The following PTPRF variants were observed in gnomAD, a reference collection of about 807,000 sequenced individuals.
PTPRF encodes protein tyrosine phosphatase receptor type F, also known as receptor-type tyrosine-protein phosphatase F.
PTPRF carries 59 observed loss-of-function variants against 201.8 expected under a neutral mutation model. That is an observed-to-expected ratio of 0.29 (90% CI 0.24 to 0.36). PTPRF has a LOEUF of 0.36. Among genes scored for constraint, PTPRF ranks in the 10% least tolerant of loss-of-function variants. The pLI, the probability that PTPRF is intolerant of heterozygous loss-of-function variation, is 1.00. For missense variants in PTPRF, 2,132 were observed against 2,690.5 expected, an observed-to-expected ratio of 0.79 and a Z score of 4.59; for synonymous variants, 1,088 against 1,089.7, an observed-to-expected ratio of 1.00 and a Z score of 0.03.
chr1:43,606,148 T>G (rs750459706), intron 19 of PTPRF, 92 bp from the exon 20 acceptor site: 7 of 1,397,616 alleles, frequency 5.0e-6, no homozygotes, highest in African/African-American at 1.4e-5. Flanking sequence ...AGCCTTGATC[T>G]CGGCCCAGGG....
intron 21 of PTPRF, among the ~76,000 whole-genome samples, chr1:43,607,497 A>G (rs1570604600): frequency 6.6e-6 from 1 of 151,828 alleles, no homozygotes; most frequent in East Asian, 1.9e-4. Context: ...TGTCTTTCCC[A>G]CTCAGTTCTC....
Position 43,575,770 on chromosome 1 carries a change from C to T in PTPRF, c.569-3040C>T, listed in dbSNP as rs192765939. On this transcript the variant is annotated intron_variant, in intron 6 of 33. Coordinates refer to ENST00000359947, the MANE Select transcript of PTPRF (RefSeq NM_002840.5). ...TTGCTCACACACTGTCCGTGTCGGC[C>T]TAACTCAGGCCTCAATTTCTCCATG... 1,801 of 680,784 alleles carry T rather than the reference C, an allele frequency of 2.6e-3. 7 individuals are homozygous for T. The highest frequency in any genetic ancestry group is 3.9e-3 in the Non-Finnish European group (1,686 of 437,616). 42.2% of individuals were successfully genotyped at this position (680,784 alleles called of 1,614,324 possible).
intron 1 of PTPRF, among the ~76,000 whole-genome samples, chr1:43,533,600 A>G (rs545879237): frequency 8.9e-4 from 136 of 152,126 alleles, no homozygotes; most frequent in Middle Eastern, 3.4e-3. Flanking sequence ...CTGAGTCTCA[A>G]TTTCACTCCC....
intron 7 of PTPRF, among the ~76,000 whole-genome samples, chr1:43,581,919 A>G (rs1385576379): frequency 6.6e-6 from 1 of 152,174 alleles, no homozygotes; most frequent in Non-Finnish European, 1.5e-5. Context: ...TGTGCATTGG[A>G]GGGTGTTTAG....
intron 11 of PTPRF, among the ~76,000 whole-genome samples, chr1:43,593,451 G>A (rs1024024933): frequency 7.9e-5 from 12 of 152,298 alleles, no homozygotes; most frequent in South Asian, 2.1e-4. Context: ...GCTGCTGGGC[G>A]TCCTGTGTGT....
chr1:43,613,643 C>A lies in PTPRF; in HGVS notation c.3999C>A (p.Pro1333=), dbSNP rs766114166. 1 of 1,614,200 alleles carries A rather than the reference C, an allele frequency of 6.2e-7. No individual in the cohort carries two copies. The highest frequency in any genetic ancestry group is 1.7e-5 in the Admixed American group (1 of 60,030). ...GTATGCGAGACCACCCACCCATCCC[C>A]ATCACCGACCTGGCGGACAACATCG... ...TPGMRDHPPI[P]ITDLADNIER... Residue 1333 remains proline (P), a synonymous_variant, in exon 23 of 34, where the codon CCC becomes CCA. Coordinates refer to ENST00000359947, the MANE Select transcript of PTPRF (RefSeq NM_002840.5).
intron 22 of PTPRF, among the ~76,000 whole-genome samples, chr1:43,610,032 TC>T (rs1656070245): frequency 6.6e-6 from 1 of 152,100 alleles, no homozygotes; most frequent in Non-Finnish European, 1.5e-5. Flanking sequence ...GAAATGTTAC[TC>T]CTCCCAACAC....
chr1:43,591,266 G>A lies in PTPRF; in HGVS notation c.1244G>A (p.Ser415Asn). 6.4e-7 allele frequency: 1 copy of A among 1,563,364 alleles called. No homozygotes were observed. Among genetic ancestry groups the A allele is most frequent in the African/African-American group, 1.4e-5 (1 of 73,796 alleles). ...CGCACGGGAGAACAGGCGCCCTCCAGCCCACCGCGCCGCGTGCAGGCACGC... is the reference window on the plus strand; with the variant it reads ...CGCACGGGAGAACAGGCGCCCTCCAACCCACCGCGCCGCGTGCAGGCACGC... ...RARTGEQAPS[S>N]PPRRVQARML... Residue 415 changes from serine (S) to asparagine (N), a missense_variant, in exon 9 of 34, where the codon AGC (serine) becomes AAC (asparagine). Physicochemically the swap from Ser to Asn is conservative, Grantham distance 46. This residue lies in a region of PTPRF where 351 missense variants were observed against 401.7 expected (regional missense o/e 0.87). Coordinates refer to ENST00000359947, the MANE Select transcript of PTPRF (RefSeq NM_002840.5).
chr1:43,586,938 C>T (rs967504531), intron 7 of PTPRF, among the ~76,000 whole-genome samples: 2 of 152,168 alleles, frequency 1.3e-5, no homozygotes, highest in Non-Finnish European at 2.9e-5. Context: ...GAAGTGGTTT[C>T]CTTAAAGACA....
chr1:43,565,236 C>T (rs1023632812), intron 5 of PTPRF, among the ~76,000 whole-genome samples: 1 of 152,148 alleles, frequency 6.6e-6, no homozygotes, highest in Non-Finnish European at 1.5e-5. Context: ...GTTAGCCAAG[C>T]GCTCATCCAC....
Position 43,619,708 on chromosome 1 carries a change from C to G in PTPRF, c.4961C>G (p.Ser1654Cys). Residue 1654 changes from serine to cysteine, a missense_variant, in exon 29 of 34, where the codon TCC (serine) becomes TGC (cysteine). Transcript: ENST00000359947. Reference sequence around the variant, plus strand: ...CTGGCCAGCTCCAAGGCCCACACGTCCCGCTTCATCAGCGCCAACCTGCCC... The same window carrying G: ...CTGGCCAGCTCCAAGGCCCACACGTGCCGCTTCATCAGCGCCAACCTGCCC... ...KLLASSKAHT[S>C]RFISANLPCN... The G allele has an allele frequency of 6.2e-7, 1 of 1,614,212 alleles. No individual in the cohort carries two copies. The highest frequency in any genetic ancestry group is 8.5e-7 in the Non-Finnish European group (1 of 1,180,018).
At position 43,619,548 on chromosome 1, in the gene PTPRF, T is replaced by C. The variant is rs565355095; in HGVS notation, c.4907T>C (p.Val1636Ala). The C allele has an allele frequency of 9.9e-6, 16 of 1,613,278 alleles. No homozygotes were observed. The East Asian group carries it at 3.6e-4, about 36-fold the overall frequency. The change falls in exon 28 of 34, where the codon GTG becomes GCG. Residue 1636 changes from valine (V) to alanine (A), a missense_variant. Val to Ala is a moderately conservative substitution (Grantham distance 64). This residue lies in a region of PTPRF where 519 missense variants were observed against 659.5 expected (regional missense o/e 0.79). Transcript: ENST00000359947. ...KLGQVPPGES[V>A]TAMELEFKLL... ...GGCCAAGTGCCTCCAGGGGAGAGTG[T>C]GACCGCCATGGAGCTCGAGTTCAAG... is the stretch of plus-strand genomic sequence containing the variant.
At position 43,588,640 on chromosome 1, in the gene PTPRF, C is replaced by G; in HGVS notation, c.680-91C>G. On this transcript the variant is annotated intron_variant, in intron 7 of 33. Coordinates refer to ENST00000359947, the MANE Select transcript of PTPRF (RefSeq NM_002840.5). This position sits in a 1 kb window ranked among gnomAD's most constrained non-coding sequence, Gnocchi z 5.3. Reference sequence around the variant, plus strand: ...CTCTGAGCATGGGTTTGGCTCTGACCAGAGGGGCTTCCTGAATGAGGGGCC... The same window carrying G: ...CTCTGAGCATGGGTTTGGCTCTGACGAGAGGGGCTTCCTGAATGAGGGGCC... The G allele has an allele frequency of 1.3e-6, 2 of 1,525,404 alleles. No individual in the cohort carries two copies. The highest frequency in any genetic ancestry group is 2.5e-5 in the South Asian group (2 of 80,162). 94.5% of individuals were successfully genotyped at this position (1,525,404 alleles called of 1,614,324 possible).
chr1:43,615,958 G>C (rs1307735502), intron 23 of PTPRF, among the ~76,000 whole-genome samples: 1 of 152,072 alleles, frequency 6.6e-6, no homozygotes, highest in East Asian at 1.9e-4. Context: ...ATGCCCTCAG[G>C]GAACCCAGTC....
intron 11 of PTPRF, among the ~76,000 whole-genome samples, chr1:43,596,576 G>T (rs1179322529): frequency 6.6e-6 from 1 of 152,212 alleles, no homozygotes. Flanking sequence ...CTCCACGCCA[G>T]GGGCTGTTGG....
intron 2 of PTPRF, among the ~76,000 whole-genome samples, chr1:43,543,245 G>T (rs892214402): frequency 1.1e-4 from 17 of 152,216 alleles, no homozygotes; most frequent in African/African-American, 4.1e-4. Flanking sequence ...GTGCTCCATC[G>T]TTGGCTGCAT....
intron 2 of PTPRF, among the ~76,000 whole-genome samples, chr1:43,543,245 G>A (rs892214402): frequency 1.3e-5 from 2 of 152,334 alleles, no homozygotes; most frequent in East Asian, 1.9e-4. Context: ...GTGCTCCATC[G>A]TTGGCTGCAT....
chr1:43,580,735 C>T (rs1370216867), intron 7 of PTPRF, among the ~76,000 whole-genome samples: 11 of 152,248 alleles, frequency 7.2e-5, no homozygotes, highest in Non-Finnish European at 1.5e-4. Flanking sequence ...CCCTGACTAT[C>T]GCAAATGCTG....
At position 43,588,554 on chromosome 1, in the gene PTPRF, T is replaced by C. The variant is rs1490874574; in HGVS notation, c.680-177T>C. Reference sequence around the variant, plus strand: ...CTGAGTGTGGGGGCCACTTCTAGGCTGGAAGTGGGTGGGGTGGGAGTGGAT... The same window carrying C: ...CTGAGTGTGGGGGCCACTTCTAGGCCGGAAGTGGGTGGGGTGGGAGTGGAT... On this transcript the variant is annotated intron_variant, in intron 7 of 33. Coordinates refer to ENST00000359947, the MANE Select transcript of PTPRF (RefSeq NM_002840.5). This position sits in a 1 kb window ranked among gnomAD's most constrained non-coding sequence, Gnocchi z 5.3. Among the ~76,000 whole-genome samples the C allele has an allele frequency of 6.6e-6, 1 of 152,128 alleles. No individual in the cohort carries two copies. Among genetic ancestry groups the C allele is most frequent in the African/African-American group, 2.4e-5 (1 of 41,420 alleles).
Sources: gnomAD v4.1 joint callset for allele counts (sites outside exome capture counted in the v4.1 genomes callset) on GRCh38, gnomAD v4.1.1 for gene constraint, gnomAD v4.1.1 regional missense constraint, Gnocchi (gnomAD v3.1) non-coding constraint, MANE v1.5 for transcripts, NCBI Gene and HGNC (gene_info 2026-07-23, HGNC 2026-07-21) for gene names.